The following PEX13 variants were observed in gnomAD, a reference collection of about 807,000 sequenced individuals.
The protein encoded by PEX13 is peroxisome biogenesis factor 13.
A neutral mutation model predicts 34.5 loss-of-function variants in PEX13; 28 were observed. That is an observed-to-expected ratio of 0.81 (90% CI 0.60 to 1.11). PEX13 has a LOEUF of 1.11. Ranked by LOEUF, PEX13 falls within the 50% of genes most tolerant of loss-of-function variation. PEX13 has a pLI of 0.00. For synonymous variants in PEX13, 177 were observed against 175.1 expected, an observed-to-expected ratio of 1.01 and a Z score of -0.09; for missense variants, 550 against 491.0, an observed-to-expected ratio of 1.12 and a Z score of -1.13.
chr2:61,027,151 C>G (rs1680370710), intron 1 of PEX13, among the ~76,000 whole-genome samples: 1 of 150,574 alleles, frequency 6.6e-6, no homozygotes, highest in African/African-American at 2.4e-5. Flanking sequence ...TAGCGAGAAC[C>G]CATTTCTACA....
intron 1 of PEX13, among the ~76,000 whole-genome samples, chr2:61,027,819 T>C (rs6728872): frequency 0.47 from 71,679 of 152,034 alleles, 19,007 homozygotes; most frequent in African/African-American, 0.69. Flanking sequence ...ACTGTTTCAT[T>C]AAAGCCTGAA....
At chr2:61,032,988 T>C (rs1680477562) in intron 2 of PEX13, among the ~76,000 whole-genome samples, 1 of 152,214 alleles carries the variant, frequency 6.6e-6, no homozygotes, top group South Asian at 2.1e-4. Flanking sequence ...TTAATTGGCA[T>C]TATGAGACTT....
At position 61,028,470 on chromosome 2, in the gene PEX13, A is replaced by G. The variant is rs182102418; in HGVS notation, c.93-2949A>G. Among the ~76,000 whole-genome samples, 515 of 151,840 alleles carry G rather than the reference A, an allele frequency of 3.4e-3. 5 individuals carry two copies. Among genetic ancestry groups the G allele is most frequent in the Non-Finnish European group, 5.8e-3 (392 of 67,944 alleles). The stretch of plus-strand genomic sequence containing the variant: ...AGTGGCATGATCTCAGCTCACTGCA[A>G]CAGCCGCCTCTGGGGTTCAAGCGAT... On this transcript the variant is annotated intron_variant, in intron 1 of 3. Transcript: ENST00000295030.
intron 2 of PEX13, among the ~76,000 whole-genome samples, chr2:61,033,047 T>C (rs561642599): frequency 1.3e-5 from 2 of 152,326 alleles, no homozygotes; most frequent in South Asian, 4.1e-4. Context: ...ATGTTTGTTT[T>C]TGTTTTTAAG....
chr2:61,027,338 C>CAA (rs547417473), intron 1 of PEX13, among the ~76,000 whole-genome samples: 116 of 103,230 alleles, frequency 1.1e-3, no homozygotes, highest in African/African-American at 2.5e-3. Flanking sequence ...GACTCTGTCT[C>CAA]AAAAAAAAAA....
chr2:61,024,888 A>G (rs1680325827), intron 1 of PEX13, among the ~76,000 whole-genome samples: 1 of 152,186 alleles, frequency 6.6e-6, no homozygotes, highest in South Asian at 2.1e-4. Flanking sequence ...TAGTTGTAGA[A>G]TCTTCATTTG....
chr2:61,036,291 A>G (rs1174239505), intron 2 of PEX13, among the ~76,000 whole-genome samples: 1 of 152,184 alleles, frequency 6.6e-6, no homozygotes, highest in Non-Finnish European at 1.5e-5. Context: ...CACCAGGAAG[A>G]TACTCCTCGA....
At chr2:61,040,189 A>G (rs1312669945) in intron 2 of PEX13, among the ~76,000 whole-genome samples, 2 of 152,192 alleles carry the variant, frequency 1.3e-5, no homozygotes, top group South Asian at 4.1e-4. Flanking sequence ...CGATTCCTCA[A>G]GGATCTAGAA....
chr2:61,032,873 A>G (rs1400633562), intron 2 of PEX13, among the ~76,000 whole-genome samples: 2 of 152,210 alleles, frequency 1.3e-5, no homozygotes, highest in African/African-American at 4.8e-5. Context: ...ACAAAAGTAT[A>G]TAGGCAGAAA....
chr2:61,031,849 T>G lies in PEX13; in HGVS notation c.523T>G (p.Phe175Val). ...TCACTTTTCCCGATTGAAAATACAC[T>G]TTACAAAAGTGTTTTCAGCTTTTGC... ...ANHFSRLKIH[F>V]TKVFSAFALV... Residue 175 changes from phenylalanine (F) to valine (V), a missense_variant, in exon 2 of 4, where the codon TTT (phenylalanine) becomes GTT (valine). Coordinates refer to ENST00000295030, the MANE Select transcript of PEX13 (RefSeq NM_002618.4). 1 of 1,613,186 alleles carries G rather than the reference T, an allele frequency of 6.2e-7. No individual in the cohort carries two copies. Among genetic ancestry groups the G allele is most frequent in the Non-Finnish European group, 8.5e-7 (1 of 1,179,110 alleles).
At chr2:61,040,220 A>T (rs779790732) in intron 2 of PEX13, among the ~76,000 whole-genome samples, 3 of 152,220 alleles carry the variant, frequency 2.0e-5, no homozygotes, top group African/African-American at 7.2e-5. Flanking sequence ...CGTTTGACCC[A>T]GTGATCCCTT....
intron 2 of PEX13, among the ~76,000 whole-genome samples, chr2:61,041,453 A>G (rs754208344): frequency 1.3e-5 from 2 of 152,228 alleles, no homozygotes; most frequent in South Asian, 2.1e-4. Context: ...TTATTGCTAC[A>G]TTATGGAGGA....
chr2:61,045,644 G>A lies in PEX13; in HGVS notation c.788-82G>A, dbSNP rs112402825. ...AGGACTTTTCTCTTGGCAAATTTAT[G>A]CAGTTTGCAAGCCATAGCCAGTGAA... On this transcript the variant is annotated intron_variant, in intron 2 of 3. Coordinates refer to ENST00000295030, the MANE Select transcript of PEX13 (RefSeq NM_002618.4). The A allele has an allele frequency of 0.02, 24,864 of 1,256,004 alleles. 280 individuals carry two copies. Among genetic ancestry groups the A allele is most frequent in the Non-Finnish European group, 0.024 (20,687 of 864,134 alleles). 77.8% of individuals were successfully genotyped at this position (1,256,004 alleles called of 1,614,324 possible).
At chr2:61,041,887 C>T (rs1680631261) in intron 2 of PEX13, among the ~76,000 whole-genome samples, 2 of 152,108 alleles carry the variant, frequency 1.3e-5, no homozygotes. Flanking sequence ...CTTACGGAAC[C>T]TGGCAGGTAA....
intron 1 of PEX13, among the ~76,000 whole-genome samples, chr2:61,028,379 ATTTC>A (rs1680394632): frequency 6.6e-6 from 1 of 150,942 alleles, no homozygotes. Flanking sequence ...GGGGTAGGAC[ATTTC>A]TTTCTTTTCT....
chr2:61,024,468 T>G (rs1398932270), intron 1 of PEX13, among the ~76,000 whole-genome samples: 1 of 152,192 alleles, frequency 6.6e-6, no homozygotes, highest in Non-Finnish European at 1.5e-5. Flanking sequence ...CCCATCTCTT[T>G]CCTAGTTCAC....
intron 1 of PEX13, among the ~76,000 whole-genome samples, chr2:61,022,236 T>C (rs1000776465): frequency 1.3e-5 from 2 of 152,192 alleles, no homozygotes; most frequent in Non-Finnish European, 2.9e-5. Flanking sequence ...TTCTCCGAGC[T>C]AAAGGAGCAT....
chr2:61,026,216 AC>A (rs1411355034), intron 1 of PEX13, among the ~76,000 whole-genome samples: 10 of 151,930 alleles, frequency 6.6e-5, no homozygotes, highest in African/African-American at 2.2e-4. Flanking sequence ...TACCTCGACA[AC>A]CATTACTTAA....
At chr2:61,045,080 A>G (rs1452785850) in intron 2 of PEX13, among the ~76,000 whole-genome samples, 1 of 152,194 alleles carries the variant, frequency 6.6e-6, no homozygotes, top group East Asian at 1.9e-4. Context: ...ATTTAACAGA[A>G]TTATATTCTG....
Sources: gnomAD v4.1 joint callset for allele counts (sites outside exome capture counted in the v4.1 genomes callset) on GRCh38, gnomAD v4.1.1 for gene constraint, MANE v1.5 for transcripts, NCBI Gene and HGNC (gene_info 2026-07-23, HGNC 2026-07-21) for gene names.